Variants in CYBA observed in about 807,000 individuals in gnomAD.
The protein encoded by CYBA is cytochrome b-245 alpha chain.
In CYBA, 21 loss-of-function variants were observed where a neutral mutation model predicts 20.8. The ratio of observed to expected loss-of-function variants is 1.01; its 90% CI spans 0.72 to 1.46. CYBA has a LOEUF of 1.46. CYBA is among the 40% of genes most tolerant of loss of function. The probability of loss-of-function intolerance (pLI) is 0.00; values close to 1 mark genes in which losing one functional copy is unlikely to be tolerated. For synonymous variants in CYBA, 164 were observed against 127.5 expected, an observed-to-expected ratio of 1.29 and a Z score of -1.93; for missense variants, 344 against 287.0, an observed-to-expected ratio of 1.20 and a Z score of -1.43.
At position 88,646,882 on chromosome 16, in the gene CYBA, C is replaced by T. The variant is rs772405281; in HGVS notation, c.204-44G>A. 3 of 1,520,380 alleles carry T rather than the reference C, an allele frequency of 2.0e-6. No individual in the cohort carries two copies. The South Asian group carries it at 3.4e-5, about 17-fold the overall frequency. 94.2% of individuals were successfully genotyped at this position (1,520,380 alleles called of 1,614,324 possible). A position where few individuals can be genotyped will look rare whatever the true frequency, so the allele number is the denominator to read the frequency against. On this transcript the variant is annotated intron_variant, in intron 3 of 5. Coordinates refer to ENST00000261623, the MANE Select transcript of CYBA (RefSeq NM_000101.4). Reference sequence around the variant, plus strand: ...CGAGACGGCGCGGCTGGGCCTCTCCCACTCGGGACTCCTTTGCTGCCCTGC... The same window carrying T: ...CGAGACGGCGCGGCTGGGCCTCTCCTACTCGGGACTCCTTTGCTGCCCTGC...
chr16:88,646,139 T>A lies in CYBA; in HGVS notation c.346A>T (p.Ile116Phe). 6.4e-7 allele frequency: 1 copy of A among 1,558,062 alleles called. No individual in the cohort carries two copies. Among genetic ancestry groups the A allele is most frequent in the African/African-American group, 1.4e-5 (1 of 73,524 alleles). The change falls in exon 5 of 6, where the codon ATT (isoleucine) becomes TTT (phenylalanine). Residue 116 changes from isoleucine to phenylalanine, a missense_variant. Coordinates refer to ENST00000261623, the MANE Select transcript of CYBA (RefSeq NM_000101.4). Reference protein sequence around the residue: ...ATILGTACLAIASGIYLLAAV... With the variant: ...ATILGTACLAFASGIYLLAAV... Reference sequence around the variant, plus strand: ...ACCAGTAGGTAGATGCCGCTCGCAATGGCCAGGCAGGCGGTCCCAAGGATG... The same window carrying A: ...ACCAGTAGGTAGATGCCGCTCGCAAAGGCCAGGCAGGCGGTCCCAAGGATG...
At chr16:88,644,110 C>A (rs952221498) in intron 5 of CYBA, among the ~76,000 whole-genome samples, 1 of 152,212 alleles carries the variant, frequency 6.6e-6, no homozygotes, top group Non-Finnish European at 1.5e-5. Flanking sequence ...GGCCCATGCC[C>A]GGAGGTTCCA....
intron 1 of CYBA, 108 bp downstream of exon 1, chr16:88,650,848 C>T: frequency 7.8e-7 from 1 of 1,280,234 alleles, no homozygotes; most frequent in Middle Eastern, 1.8e-4. Context: ...CCCGGCCTGG[C>T]CCGCCTGGCG....
chr16:88,649,154 G>C (rs948439458), intron 1 of CYBA, among the ~76,000 whole-genome samples: 13 of 150,632 alleles, frequency 8.6e-5, no homozygotes, highest in Admixed American at 4.0e-4. Context: ...AGCCAGGATG[G>C]TCTCGATCTC....
chr16:88,646,084 G>A, intron 5 of CYBA, 32 bp downstream of exon 5: 1 of 1,528,466 alleles, frequency 6.5e-7, no homozygotes, highest in Non-Finnish European at 8.8e-7. Context: ...GGATGGGGGT[G>A]GCCGGGGCCG....
chr16:88,646,836 C>T lies in CYBA; in HGVS notation c.206G>A (p.Gly69Glu), dbSNP rs1907304480. Reference protein sequence around the residue: ...RKKGSTMERWGQKYMTAVVKL... With the variant: ...RKKGSTMERWEQKYMTAVVKL... Reference sequence around the variant, plus strand: ...CACCACGGCGGTCATGTACTTCTGTCCCCTGGGGGAGGGAGGAAGGCGAGA... The same window carrying T: ...CACCACGGCGGTCATGTACTTCTGTTCCCTGGGGGAGGGAGGAAGGCGAGA... Residue 69 changes from glycine to glutamate, a missense_variant and splice_region_variant, in exon 4 of 6, where the codon GGA (glycine) becomes GAA (glutamate). Transcript: ENST00000261623. The T allele has an allele frequency of 3.7e-6, 6 of 1,612,960 alleles. No individual in the cohort carries two copies. The highest frequency in any genetic ancestry group is 5.1e-6 in the Non-Finnish European group (6 of 1,179,214).
Position 88,650,696 on chromosome 16 carries a change from G to T in CYBA, c.58+260C>A, listed in dbSNP as rs544850404. ...AACTTCCTCCTTCGCGGAGTCGGGG[G>T]ACCGAGAGAAGGGAATGGGGGAGGG... On this transcript the variant is annotated intron_variant, in intron 1 of 5. Transcript: ENST00000261623. 123 of 615,766 alleles carry T rather than the reference G, an allele frequency of 2.0e-4. 2 individuals carry two copies. In the East Asian group the frequency reaches 3.2e-3, roughly 16 times the overall value. The allele number at this position is 615,766 out of a possible 1,614,324, so 38.1% of individuals were successfully genotyped here. A position where few individuals can be genotyped will look rare whatever the true frequency, so the allele number is the denominator to read the frequency against.
At chr16:88,645,889 T>C in intron 5 of CYBA, 1 of 568,252 alleles carries the variant, frequency 1.8e-6, no homozygotes. Context: ...GTGGTGCGGG[T>C]TAATGAGGAA....
chr16:88,646,182 G>C lies in CYBA; in HGVS notation c.303C>G (p.Ala101=). 1 of 1,555,540 alleles carries C rather than the reference G, an allele frequency of 6.4e-7. No individual in the cohort carries two copies. The highest frequency in any genetic ancestry group is 8.7e-7 in the Non-Finnish European group (1 of 1,152,806). Residue 101 remains alanine (A), a synonymous_variant, in exon 5 of 6, where the codon GCC becomes GCG. Coordinates refer to ENST00000261623, the MANE Select transcript of CYBA (RefSeq NM_000101.4). The part of the protein sequence containing the change: ...AVLHLLLSVP[A]GFLLATILGT... ...CAAGGATGGTGGCCAGCAGGAAGCC[G>C]GCGGGCACCGAGAGCCTGGGGGACA...
intron 5 of CYBA, 80 bp downstream of exon 5, chr16:88,646,036 G>C (rs1907263735): frequency 1.6e-6 from 2 of 1,214,148 alleles, no homozygotes; most frequent in African/African-American, 1.5e-5. Context: ...CCGGCTTCAA[G>C]GGCCATGCGT....
intron 5 of CYBA, chr16:88,645,248 C>A (rs1020844524): frequency 5.7e-6 from 4 of 702,278 alleles, no homozygotes; most frequent in Non-Finnish European, 1.0e-5. Context: ...GAGCACTTGG[C>A]AACAGGAAGG....
intron 4 of CYBA, chr16:88,646,536 G>C: frequency 1.4e-6 from 1 of 700,644 alleles, no homozygotes; most frequent in Non-Finnish European, 2.6e-6. Context: ...CCCTGGCGAC[G>C]GATCGGAGCT....
chr16:88,649,912 A>C (rs1180104925), intron 1 of CYBA, among the ~76,000 whole-genome samples: 2 of 152,136 alleles, frequency 1.3e-5, no homozygotes, highest in Non-Finnish European at 2.9e-5. Context: ...AGGCAGGGTG[A>C]GTCTCACGGG....
At chr16:88,647,913 C>G (rs1005814663) in intron 2 of CYBA, 132 bp downstream of exon 2, 14 of 897,754 alleles carry the variant, frequency 1.6e-5, no homozygotes, top group Middle Eastern at 2.2e-4. Flanking sequence ...CTGCCCAACC[C>G]GTGCACAGCC....
At chr16:88,645,785 G>A (rs1242222532) in intron 5 of CYBA, 7 of 538,850 alleles carry the variant, frequency 1.3e-5, no homozygotes, top group East Asian at 3.1e-5. Flanking sequence ...CACGGTCTTC[G>A]GCCGGCTGCG....
rs1302524419 is a variant in CYBA at position 88,646,141 on chromosome 16, G to T, written c.344C>A (p.Ala115Asp). The stretch of plus-strand genomic sequence containing the variant: ...CAGTAGGTAGATGCCGCTCGCAATG[G>T]CCAGGCAGGCGGTCCCAAGGATGGT... ...LATILGTACL[A>D]IASGIYLLAA... Residue 115 changes from alanine to aspartate, a missense_variant, in exon 5 of 6, where the codon GCC (alanine) becomes GAC (aspartate). Physicochemically the swap from Ala to Asp is moderately radical, Grantham distance 126. Transcript: ENST00000261623. The T allele has an allele frequency of 6.4e-7, 1 of 1,558,376 alleles. No individual in the cohort carries two copies. The highest frequency in any genetic ancestry group is 8.7e-7 in the Non-Finnish European group (1 of 1,152,928).
chr16:88,651,046 C>T lies in CYBA; in HGVS notation c.-33G>A, dbSNP rs750384376. On this transcript the variant is annotated 5_prime_UTR_variant, in exon 1 of 6. Transcript: ENST00000261623. Reference sequence around the variant, plus strand: ...CGAACCCGGCTGGGACACTGCTAGGCGCGCACTGCCGCCCCTGCGCTCCCG... The same window carrying T: ...CGAACCCGGCTGGGACACTGCTAGGTGCGCACTGCCGCCCCTGCGCTCCCG... 1.3e-6 allele frequency: 2 copies of T among 1,566,282 alleles called. No homozygotes were observed. Among genetic ancestry groups the T allele is most frequent in the East Asian group, 2.4e-5 (1 of 42,104 alleles).
chr16:88,644,787 T>A (rs1332292547), intron 5 of CYBA: 1 of 249,278 alleles, frequency 4.0e-6, no homozygotes, highest in East Asian at 9.4e-5. Context: ...ATCACGCCAC[T>A]GCACTCCAGC....
chr16:88,645,989 C>T, intron 5 of CYBA, 127 bp downstream of exon 5: 1 of 800,918 alleles, frequency 1.2e-6, no homozygotes. Context: ...CACGCCCAGG[C>T]TCACACTTGC....
Sources: gnomAD v4.1 joint callset for allele counts (sites outside exome capture counted in the v4.1 genomes callset) on GRCh38, gnomAD v4.1.1 for gene constraint, MANE v1.5 for transcripts, NCBI Gene and HGNC (gene_info 2026-07-23, HGNC 2026-07-21) for gene names.